The following ZNF354C variants were observed in gnomAD, a reference collection of about 807,000 sequenced individuals.
The protein encoded by ZNF354C is KRAB-zinc finger protein synten.
ZNF354C carries 7 observed loss-of-function variants against 12.4 expected under a neutral mutation model. The ratio of observed to expected loss-of-function variants is 0.56; its 90% CI spans 0.32 to 1.06. ZNF354C has a LOEUF of 1.06. Among genes scored for constraint, ZNF354C ranks in the 50% least tolerant of loss-of-function variants. The pLI is 0.04. For synonymous variants in ZNF354C, 202 were observed against 224.5 expected (o/e 0.90, Z 0.90); for missense variants, 609 against 658.0 (o/e 0.93, Z 0.81).
At chr5:179,062,734 T>G (rs1373900168) in intron 2 of ZNF354C, among the ~76,000 whole-genome samples, 3 of 152,202 alleles carry the variant, frequency 2.0e-5, no homozygotes, top group Non-Finnish European at 4.4e-5. Context: ...GCCTGGGGCC[T>G]TCCCCTCCCA....
At chr5:179,071,140 T>C (rs1011689902) in intron 2 of ZNF354C, among the ~76,000 whole-genome samples, 5 of 152,152 alleles carry the variant, frequency 3.3e-5, no homozygotes, top group African/African-American at 1.2e-4. Context: ...CGTGAGCCAC[T>C]GTGCCTGACC....
At chr5:179,061,472 C>T (rs1226094709) in intron 1 of ZNF354C, among the ~76,000 whole-genome samples, 2 of 152,008 alleles carry the variant, frequency 1.3e-5, no homozygotes, top group East Asian at 1.9e-4. Flanking sequence ...TAAGGCCCGA[C>T]GAAGATCTAG....
At position 179,079,131 on chromosome 5, in the gene ZNF354C, A is replaced by G; in HGVS notation, c.699A>G (p.Glu233=). The G allele has an allele frequency of 5.6e-6, 9 of 1,613,876 alleles. No homozygotes were observed. The highest frequency in any genetic ancestry group is 7.6e-6 in the Non-Finnish European group (9 of 1,179,976). The change falls in exon 5 of 5, where the codon GAA becomes GAG. Residue 233 remains glutamate, a synonymous_variant. Transcript: ENST00000315475. This position sits in a 1 kb window ranked among gnomAD's most constrained non-coding sequence, Gnocchi z 4.2. ...TCAAGCAGAATCTGCATCTTATTGA[A>G]CATCAGAGAATTCATACAGGTGAGA... The part of the protein sequence containing the change: ...KSFKQNLHLI[E]HQRIHTGEKP...
chr5:179,064,771 C>T (rs1417722578), intron 2 of ZNF354C, among the ~76,000 whole-genome samples: 1 of 152,118 alleles, frequency 6.6e-6, no homozygotes, highest in Non-Finnish European at 1.5e-5. Context: ...TCACAGGTCT[C>T]ATTACCCCAT....
Position 179,060,426 on chromosome 5 carries a change from T to C in ZNF354C, c.-295T>C. On this transcript the variant is annotated 5_prime_UTR_variant, in exon 1 of 5. Coordinates refer to ENST00000315475, the MANE Select transcript of ZNF354C (RefSeq NM_014594.3). The surrounding 1 kb of genome is among the most constrained non-coding windows in gnomAD (Gnocchi z 4.2). Reference sequence around the variant, plus strand: ...GGACAGCTCGCGGCCTTTCGGGGGTTCTCCTGGCTTGGGCCATCCAGGCTT... The same window carrying C: ...GGACAGCTCGCGGCCTTTCGGGGGTCCTCCTGGCTTGGGCCATCCAGGCTT... The C allele has an allele frequency of 6.6e-6, 1 of 152,542 alleles. No individual in the cohort carries two copies. The highest frequency in any genetic ancestry group is 1.5e-5 in the Non-Finnish European group (1 of 68,204). The allele number at this position is 152,542 out of a possible 1,614,324, so 9.4% of individuals were successfully genotyped here.
At chr5:179,071,367 ATTTTTT>A (rs35793705) in intron 2 of ZNF354C, among the ~76,000 whole-genome samples, 5 of 131,532 alleles carry the variant, frequency 3.8e-5, no homozygotes, top group African/African-American at 1.4e-4. Context: ...TGCCAGGCTC[ATTTTTT>A]TTTTTTTTTT....
chr5:179,082,088 T>G lies in ZNF354C; in HGVS notation c.*1991T>G, dbSNP rs1046335408. 6.6e-6 allele frequency: 1 copy of G among 152,450 alleles called. No individual in the cohort carries two copies. Among genetic ancestry groups the G allele is most frequent in the Admixed American group, 6.5e-5 (1 of 15,306 alleles). The allele number at this position is 152,450 out of a possible 1,614,324, so 9.4% of individuals were successfully genotyped here. On this transcript the variant is annotated 3_prime_UTR_variant, in exon 5 of 5. Coordinates refer to ENST00000315475, the MANE Select transcript of ZNF354C (RefSeq NM_014594.3). ...TGGAAAAATTACCATTTTACAACCC[T>G]TAATGTAATTAAATCTGGCAAAAAT...
rs1243518379 is a variant in ZNF354C at position 179,060,954 on chromosome 5, G to A, written c.-55+288G>A. 6.6e-6 allele frequency among the ~76,000 whole-genome samples: 1 copy of A among 152,208 alleles called. No homozygotes were observed. Among genetic ancestry groups the A allele is most frequent in the Non-Finnish European group, 1.5e-5 (1 of 68,034 alleles). On this transcript the variant is annotated intron_variant, in intron 1 of 4. Transcript: ENST00000315475. This position sits in a 1 kb window ranked among gnomAD's most constrained non-coding sequence, Gnocchi z 4.2. ...GCCCCAGATGTAACTGGGGCCTGGGGCTAGGATCAGGATTGCCTTCCCGGC... is the reference window on the plus strand; with the variant it reads ...GCCCCAGATGTAACTGGGGCCTGGGACTAGGATCAGGATTGCCTTCCCGGC...
chr5:179,065,780 C>G (rs1345486779), intron 2 of ZNF354C, among the ~76,000 whole-genome samples: 1 of 151,978 alleles, frequency 6.6e-6, no homozygotes, highest in African/African-American at 2.4e-5. Flanking sequence ...TCATTATTAG[C>G]CTGGGGTTGG....
chr5:179,078,005 C>G (rs1183253822), intron 4 of ZNF354C, among the ~76,000 whole-genome samples: 3 of 151,882 alleles, frequency 2.0e-5, no homozygotes, highest in Non-Finnish European at 2.9e-5. Flanking sequence ...CGGGGTTTCA[C>G]CATGTTCTCC....
intron 2 of ZNF354C, among the ~76,000 whole-genome samples, chr5:179,070,976 G>A (rs1762038848): frequency 6.6e-6 from 1 of 150,484 alleles, no homozygotes. Context: ...AGCCTCCTGA[G>A]TAGCTGGGAC....
At chr5:179,061,170 C>T (rs1427657819) in intron 1 of ZNF354C, among the ~76,000 whole-genome samples, 1 of 152,250 alleles carries the variant, frequency 6.6e-6, no homozygotes, top group Non-Finnish European at 1.5e-5. Flanking sequence ...ACTGGCCTGG[C>T]AGAGCCCCAG....
At position 179,079,455 on chromosome 5, in the gene ZNF354C, A is replaced by G. The variant is rs1762188388; in HGVS notation, c.1023A>G (p.Ala341=). The part of the protein sequence containing the change: ...GECEKAFNCR[A]KLHRHQRIHT... Reference sequence around the variant, plus strand: ...GTGAGAAGGCCTTCAACTGTAGAGCAAAACTTCACAGGCATCAAAGAATCC... The same window carrying G: ...GTGAGAAGGCCTTCAACTGTAGAGCGAAACTTCACAGGCATCAAAGAATCC... The change falls in exon 5 of 5, where the codon GCA becomes GCG. Residue 341 remains alanine, a synonymous_variant. Transcript: ENST00000315475. The surrounding 1 kb of genome is among the most constrained non-coding windows in gnomAD (Gnocchi z 4.2). 1.2e-6 allele frequency: 2 copies of G among 1,614,102 alleles called. No individual in the cohort carries two copies. Among genetic ancestry groups the G allele is most frequent in the Non-Finnish European group, 1.7e-6 (2 of 1,180,004 alleles).
chr5:179,073,393 A>G (rs1394906594), intron 2 of ZNF354C, among the ~76,000 whole-genome samples: 3 of 152,224 alleles, frequency 2.0e-5, no homozygotes, highest in African/African-American at 7.2e-5. Context: ...AATATAAAAT[A>G]CTTTTTTTCC....
At position 179,076,678 on chromosome 5, in the gene ZNF354C, G is replaced by A; in HGVS notation, c.154+107G>A. On this transcript the variant is annotated intron_variant, in intron 3 of 4. Transcript: ENST00000315475. ...TGTACCCTACTGAGCCCCTCAGAAA[G>A]GCTGAATTGCTGTAGAGTGGAAAGT... is the stretch of plus-strand genomic sequence containing the variant. 2.1e-6 allele frequency: 3 copies of A among 1,414,190 alleles called. No homozygotes were observed. The South Asian group carries it at 4.1e-5, about 19-fold the overall frequency. The allele number at this position is 1,414,190 out of a possible 1,614,324, so 87.6% of individuals were successfully genotyped here.
chr5:179,071,940 T>A (rs1762058360), intron 2 of ZNF354C, among the ~76,000 whole-genome samples: 1 of 152,130 alleles, frequency 6.6e-6, no homozygotes. Context: ...CCAACTAAAT[T>A]AACTACCTGC....
chr5:179,076,940 T>G, intron 3 of ZNF354C, 131 bp from the exon 4 acceptor site: 2 of 776,104 alleles, frequency 2.6e-6, no homozygotes, highest in South Asian at 3.3e-5. Context: ...CCCTGCGAAG[T>G]GCTTGTGCTG....
At chr5:179,068,005 A>G (rs1400635402) in intron 2 of ZNF354C, among the ~76,000 whole-genome samples, 4 of 152,128 alleles carry the variant, frequency 2.6e-5, no homozygotes, top group Non-Finnish European at 5.9e-5. Flanking sequence ...ACAGAAAAAC[A>G]AGAGAATTAT....
At chr5:179,071,064 G>A (rs1762039755) in intron 2 of ZNF354C, among the ~76,000 whole-genome samples, 1 of 151,862 alleles carries the variant, frequency 6.6e-6, no homozygotes, top group African/African-American at 2.4e-5. Context: ...TGTTACCCAG[G>A]ATGGTCTTGA....
Sources: allele counts gnomAD v4.1 joint callset (sites outside exome capture counted in the v4.1 genomes callset), GRCh38; gene constraint gnomAD v4.1.1; non-coding constraint Gnocchi (gnomAD v3.1); transcripts MANE v1.5; gene names NCBI Gene and HGNC (gene_info 2026-07-23, HGNC 2026-07-21).